Variants in ZFHX3 observed in about 807,000 individuals in gnomAD.
ZFHX3 encodes zinc finger homeobox 3, also known as zinc finger homeobox protein 3.
Under a neutral mutation model 279.1 loss-of-function variants are expected in ZFHX3, and 42 were observed. The ratio of observed to expected loss-of-function variants is 0.15; its 90% CI spans 0.12 to 0.19. The LOEUF is 0.19. ZFHX3 is among the 10% of genes least tolerant of loss of function. The pLI is 1.00. For missense variants in ZFHX3, 4,981 were observed against 4,754.0 expected, an observed-to-expected ratio of 1.05 and a Z score of -1.40; for synonymous variants, 2,293 against 1,957.8, an observed-to-expected ratio of 1.17 and a Z score of -4.52.
intron 1 of ZFHX3, among the ~76,000 whole-genome samples, chr16:73,728,015 G>GCCCCCCCCCCCC (rs3049673): frequency 1.2e-3 from 91 of 75,426 alleles, no homozygotes; most frequent in Non-Finnish European, 1.8e-3. Flanking sequence ...GCCGAATTGT[G>GCCCCCCCCCCCC]CCCCCCCCCC....
intron 3 of ZFHX3, among the ~76,000 whole-genome samples, chr16:73,385,856 T>G (rs752352262): frequency 2.6e-5 from 4 of 152,140 alleles, no homozygotes; most frequent in Non-Finnish European, 4.4e-5. Flanking sequence ...CGGAAGGTGA[T>G]GTTCCTTGCA....
intron 5 of ZFHX3, among the ~76,000 whole-genome samples, chr16:73,255,928 C>T (rs1363035319): frequency 6.6e-6 from 1 of 152,158 alleles, no homozygotes; most frequent in East Asian, 1.9e-4. Flanking sequence ...TAGGAGTCTG[C>T]CGTCTTGGTT....
In ZFHX3 at chr16:72,978,628, G is replaced by A. The variant is rs534847529; in HGVS notation, c.-49-18434C>T. On this transcript the variant is annotated intron_variant, in intron 1 of 9. Transcript: ENST00000268489. ...CTGCTGGCCTAGGAGAGCATCGGCC[G>A]GGGGTGGGAGACATCGTTGGACTCT... Among the ~76,000 whole-genome samples, 10 of 152,286 alleles carry A rather than the reference G, an allele frequency of 6.6e-5. No individual in the cohort carries two copies. The South Asian group carries it at 1.7e-3, about 25-fold the overall frequency.
rs576672825 is a variant in ZFHX3 at position 73,292,259 on chromosome 16, C to T, written c.-1194+25981G>A. 1.6e-4 allele frequency among the ~76,000 whole-genome samples: 25 copies of T among 152,262 alleles called. 1 individual carries two copies. Among genetic ancestry groups the T allele is most frequent in the East Asian group, 1.9e-4 (1 of 5,180 alleles). On this transcript the variant is annotated intron_variant, in intron 4 of 17. Transcript: ENST00000641206. ...CTTGGCTGTGATTAGTGTCCTTTACCGAGCACAGCACAGGGTGTGACATGT... is the reference window on the plus strand; with the variant it reads ...CTTGGCTGTGATTAGTGTCCTTTACTGAGCACAGCACAGGGTGTGACATGT...
intron 2 of ZFHX3, among the ~76,000 whole-genome samples, chr16:73,678,645 G>C (rs2052978341): frequency 6.6e-6 from 1 of 152,102 alleles, no homozygotes; most frequent in Non-Finnish European, 1.5e-5. Flanking sequence ...CCAATGGCAA[G>C]TGTCTGGATA....
At chr16:73,288,211 G>A (rs1041200103) in intron 4 of ZFHX3, among the ~76,000 whole-genome samples, 1 of 151,920 alleles carries the variant, frequency 6.6e-6, no homozygotes. Flanking sequence ...TTTGGGGGCT[G>A]GGGTGGAGAG....
At chr16:72,905,755 G>A (rs1281312436) in intron 3 of ZFHX3, among the ~76,000 whole-genome samples, 2 of 152,232 alleles carry the variant, frequency 1.3e-5, no homozygotes, top group Non-Finnish European at 2.9e-5. Context: ...CTGGAAGGCA[G>A]TGGCCACACA....
Position 73,565,532 on chromosome 16 carries a change from C to T in ZFHX3, c.-1546-109274G>A, listed in dbSNP as rs545226048. ...GGTTACCTCGAATACTCAAGGTTTT[C>T]GGGGCACTTAATAGTTTACAAATGT... On this transcript the variant is annotated intron_variant, in intron 2 of 17. Coordinates refer to the ZFHX3 transcript ENST00000641206. Among the ~76,000 whole-genome samples the T allele has an allele frequency of 7.2e-5, 11 of 152,234 alleles. No individual in the cohort carries two copies. In the East Asian group the frequency reaches 1.2e-3, roughly 16 times the overall value.
At chr16:73,168,034 C>T (rs1321052728) in intron 5 of ZFHX3, among the ~76,000 whole-genome samples, 1 of 152,174 alleles carries the variant, frequency 6.6e-6, no homozygotes, top group East Asian at 1.9e-4. Flanking sequence ...AGAAGAACCT[C>T]TTACAATATA....
chr16:73,510,495 C>T (rs956522995), intron 2 of ZFHX3, among the ~76,000 whole-genome samples: 3 of 152,214 alleles, frequency 2.0e-5, no homozygotes, highest in Admixed American at 6.5e-5. Context: ...ATTTTTCATC[C>T]GAGGCTTCAA....
chr16:73,044,218 C>A (rs1054876141), intron 1 of ZFHX3, among the ~76,000 whole-genome samples: 10 of 152,144 alleles, frequency 6.6e-5, no homozygotes, highest in Admixed American at 1.3e-4. Context: ...ACCATTACCA[C>A]CAAATTCTCA....
At chr16:73,751,619 AAAT>A (rs2142270629) in intron 1 of ZFHX3, among the ~76,000 whole-genome samples, 1 of 152,352 alleles carries the variant, frequency 6.6e-6, no homozygotes, top group East Asian at 1.9e-4. Context: ...TTTTAAATAA[AAAT>A]AAAATGATTT....
At chr16:73,530,238 C>T (rs545974935) in intron 2 of ZFHX3, among the ~76,000 whole-genome samples, 30 of 152,236 alleles carry the variant, frequency 2.0e-4, no homozygotes, top group African/African-American at 7.0e-4. Context: ...GACTTATTCA[C>T]TACCATGAGA....
intron 1 of ZFHX3, chr16:73,815,649 T>C (rs941855637): frequency 2.0e-5 from 3 of 151,720 alleles, no homozygotes; most frequent in Admixed American, 6.6e-5. Flanking sequence ...GCAACCTCCA[T>C]CTCCAGGGTT....
chr16:73,529,287 T>G (rs573219233), intron 2 of ZFHX3, among the ~76,000 whole-genome samples: 1 of 152,282 alleles, frequency 6.6e-6, no homozygotes, highest in East Asian at 1.9e-4. Flanking sequence ...GCTATTAATT[T>G]CAGATATGCT....
In ZFHX3 at chr16:73,546,676, GC is replaced by G. The variant is rs1202554335; in HGVS notation, c.-1546-90419del. ...AAAAGCTTTGGGTGCTGCTGTTGCTGCTGCTGCTGCTGCTGCTGCTGCTGCT... is the reference window on the plus strand; with the variant it reads ...AAAAGCTTTGGGTGCTGCTGTTGCTGTGCTGCTGCTGCTGCTGCTGCTGCT... On this transcript the variant is annotated intron_variant, in intron 2 of 17. Transcript: ENST00000641206. Among the ~76,000 whole-genome samples the G allele has an allele frequency of 1.0e-3, 15 of 14,630 alleles. No individual in the cohort carries two copies. The South Asian group carries it at 0.021, about 20-fold the overall frequency. 9.6% of individuals were successfully genotyped at this position (14,630 alleles called of 152,430 possible).
At chr16:73,630,002 G>A (rs1324567411) in intron 2 of ZFHX3, among the ~76,000 whole-genome samples, 1 of 152,048 alleles carries the variant, frequency 6.6e-6, no homozygotes, top group South Asian at 2.1e-4. Flanking sequence ...TGGCTAATGA[G>A]TCACTAAAAC....
At chr16:73,028,468 CA>C (rs1964587763) in intron 1 of ZFHX3, among the ~76,000 whole-genome samples, 1 of 152,128 alleles carries the variant, frequency 6.6e-6, no homozygotes, top group Non-Finnish European at 1.5e-5. Context: ...CTGGGGCTGC[CA>C]CACACCGGGT....
intron 1 of ZFHX3, among the ~76,000 whole-genome samples, chr16:72,968,256 G>A (rs1040405699): frequency 5.3e-5 from 8 of 152,222 alleles, no homozygotes; most frequent in African/African-American, 7.2e-5. Flanking sequence ...AATGTCCTAT[G>A]CTTTTTAGAA....
Sources: allele counts gnomAD v4.1 joint callset (sites outside exome capture counted in the v4.1 genomes callset), GRCh38; gene constraint gnomAD v4.1.1; transcripts MANE v1.5; gene names NCBI Gene and HGNC (gene_info 2026-07-23, HGNC 2026-07-21).